Variants in ADGRL3 observed in about 807,000 individuals in gnomAD.
The protein encoded by ADGRL3 is adhesion G protein-coupled receptor L3.
ADGRL3 carries 62 observed loss-of-function variants against 153.5 expected under a neutral mutation model. The observed-to-expected ratio is 0.40, with a 90% CI of 0.33 to 0.50. ADGRL3 has a LOEUF of 0.50. Ranked by LOEUF, ADGRL3 falls within the 20% of genes least tolerant of loss-of-function variation. ADGRL3 has a pLI of 0.47. For synonymous variants in ADGRL3, 710 were observed against 672.5 expected (o/e 1.06, Z -0.86); for missense variants, 1,641 against 1,859.4 (o/e 0.88, Z 2.16).
intron 9 of ADGRL3, among the ~76,000 whole-genome samples, chr4:61,830,356 G>A (rs2097855492): frequency 6.6e-6 from 1 of 152,070 alleles, no homozygotes. Flanking sequence ...AGAGTGAGAT[G>A]AGACCTTCTC....
chr4:61,271,422 A>C (rs1022897357), intron 1 of ADGRL3, among the ~76,000 whole-genome samples: 2 of 151,998 alleles, frequency 1.3e-5, no homozygotes, highest in Non-Finnish European at 2.9e-5. Context: ...AATGGAAAAA[A>C]TTGCAAAGTG....
chr4:61,461,141 G>A (rs906666962), intron 2 of ADGRL3, among the ~76,000 whole-genome samples: 9 of 152,010 alleles, frequency 5.9e-5, no homozygotes, highest in Admixed American at 5.9e-4. Flanking sequence ...AACAGTATTG[G>A]AAACTGCCTA....
chr4:61,494,193 T>C (rs1050243683), intron 2 of ADGRL3, among the ~76,000 whole-genome samples: 21 of 151,976 alleles, frequency 1.4e-4, no homozygotes, highest in Non-Finnish European at 2.9e-4. Context: ...TTTGAGAAAA[T>C]GAATAAATAA....
chr4:61,743,092 A>G (rs58608230), intron 8 of ADGRL3, among the ~76,000 whole-genome samples: 13,078 of 151,620 alleles, frequency 0.086, 1,214 homozygotes, highest in African/African-American at 0.23. Context: ...AAGCCAAGGC[A>G]GGCGGATCAC....
intron 6 of ADGRL3, among the ~76,000 whole-genome samples, chr4:61,704,433 A>G (rs1457963951): frequency 6.6e-6 from 1 of 152,186 alleles, no homozygotes; most frequent in Non-Finnish European, 1.5e-5. Flanking sequence ...AAAAATACAT[A>G]CCTTAATTAA....
chr4:61,441,393 A>G (rs2097526725), intron 2 of ADGRL3, among the ~76,000 whole-genome samples: 1 of 152,188 alleles, frequency 6.6e-6, no homozygotes. Context: ...TGGCATGCCA[A>G]CAGATAGTGG....
intron 1 of ADGRL3, chr4:61,212,288 C>A (rs1278908702): frequency 6.6e-6 from 1 of 152,156 alleles, no homozygotes; most frequent in Non-Finnish European, 1.5e-5. Flanking sequence ...TTTGAGACAT[C>A]TAATTATTTT....
chr4:61,338,105 A>AAAT lies in ADGRL3; in HGVS notation c.-239-45007_-239-45005dup, dbSNP rs527263544. Reference sequence around the variant, plus strand: ...CATGGTGAAGCCCCATCTCTACTAAAAATAATAATAATAAAAATAGCTGGG... The same window carrying AAAT: ...CATGGTGAAGCCCCATCTCTACTAAAAATAATAATAATAATAAAAATAGCTGGG... On this transcript the variant is annotated intron_variant, in intron 1 of 26. Coordinates refer to ENST00000683033, the MANE Select transcript of ADGRL3 (RefSeq NM_001387552.1). 3.5e-3 allele frequency among the ~76,000 whole-genome samples: 534 copies of AAAT among 151,930 alleles called. 8 individuals carry two copies. The highest frequency in any genetic ancestry group is 0.012 in the African/African-American group (510 of 41,406).
chr4:61,696,670 C>CTTTTTTTTT (rs34306284), intron 6 of ADGRL3, among the ~76,000 whole-genome samples: 39 of 102,012 alleles, frequency 3.8e-4, no homozygotes, highest in East Asian at 1.4e-3. Context: ...TTTTTTTAAC[C>CTTTTTTTTT]TTTTTTTTTT....
chr4:61,374,907 G>A (rs2151806085), intron 1 of ADGRL3, among the ~76,000 whole-genome samples: 1 of 151,784 alleles, frequency 6.6e-6, no homozygotes, highest in African/African-American at 2.4e-5. Context: ...GAGGATTTTT[G>A]GAAAAAGCTT....
At chr4:61,688,899 G>T (rs2151092811) in intron 6 of ADGRL3, among the ~76,000 whole-genome samples, 1 of 152,234 alleles carries the variant, frequency 6.6e-6, no homozygotes, top group Non-Finnish European at 1.5e-5. Flanking sequence ...TTATGCAGTT[G>T]CTTTCTTTAA....
rs2099060357 is a variant in ADGRL3, at chr4:61,979,571, T to C, written c.2814T>C (p.Asp938=). The C allele has an allele frequency of 1.9e-6, 3 of 1,613,764 alleles. No homozygotes were observed. Among genetic ancestry groups the C allele is most frequent in the Non-Finnish European group, 2.5e-6 (3 of 1,179,854 alleles). The part of the protein sequence containing the change: ...LMAHVEVKHS[D]AVHDLLLDVI... ...TTTCATTGTGTTTCCAGCACAGTGATGCGGTCCATGACCTCCTTCTGGATG... is the reference window on the plus strand; with the variant it reads ...TTTCATTGTGTTTCCAGCACAGTGACGCGGTCCATGACCTCCTTCTGGATG... Residue 938 remains aspartate, a synonymous_variant, in exon 18 of 27, where the codon GAT becomes GAC. Coordinates refer to ENST00000683033, the MANE Select transcript of ADGRL3 (RefSeq NM_001387552.1).
chr4:61,476,479 G>T (rs1476012239), intron 2 of ADGRL3, among the ~76,000 whole-genome samples: 1 of 151,978 alleles, frequency 6.6e-6, no homozygotes, highest in Non-Finnish European at 1.5e-5. Context: ...GCCAAGGTGG[G>T]TGGATCACCT....
intron 1 of ADGRL3, among the ~76,000 whole-genome samples, chr4:61,311,502 C>T (rs1364226245): frequency 6.6e-6 from 1 of 152,216 alleles, no homozygotes; most frequent in Non-Finnish European, 1.5e-5. Flanking sequence ...ACGGGCTACA[C>T]TGTCTCTGCC....
chr4:61,735,655 G>T (rs1051010267), intron 8 of ADGRL3, among the ~76,000 whole-genome samples: 2 of 152,064 alleles, frequency 1.3e-5, no homozygotes, highest in African/African-American at 2.4e-5. Flanking sequence ...ACTGGAACAA[G>T]AAATGATTTC....
intron 5 of ADGRL3, among the ~76,000 whole-genome samples, chr4:61,612,265 G>A (rs1461828363): frequency 6.6e-6 from 1 of 152,100 alleles, no homozygotes; most frequent in Non-Finnish European, 1.5e-5. Flanking sequence ...TCAGCCATGA[G>A]GTTATTGTGA....
At chr4:61,270,828 G>A (rs1388560143) in intron 1 of ADGRL3, among the ~76,000 whole-genome samples, 2 of 151,588 alleles carry the variant, frequency 1.3e-5, no homozygotes, top group African/African-American at 4.8e-5. Context: ...CTGTAATCAT[G>A]TTGAGACTTC....
At chr4:61,748,492 G>T (rs1453624368) in intron 8 of ADGRL3, among the ~76,000 whole-genome samples, 1 of 151,736 alleles carries the variant, frequency 6.6e-6, no homozygotes, top group Non-Finnish European at 1.5e-5. Flanking sequence ...AAACAGCATG[G>T]TACTGGTACC....
chr4:61,921,478 G>C (rs2098768899), intron 13 of ADGRL3, among the ~76,000 whole-genome samples: 1 of 152,126 alleles, frequency 6.6e-6, no homozygotes, highest in Admixed American at 6.5e-5. Flanking sequence ...GAGTACAGTG[G>C]CGTGATCTCG....
Sources: allele counts gnomAD v4.1 joint callset (sites outside exome capture counted in the v4.1 genomes callset), GRCh38; gene constraint gnomAD v4.1.1; transcripts MANE v1.5; gene names NCBI Gene and HGNC (gene_info 2026-07-23, HGNC 2026-07-21).